NFKB1: variants seen among roughly 807,000 people sequenced by gnomAD.
The protein encoded by NFKB1 is nuclear factor NF-kappa-B p105 subunit.
In NFKB1, 9 loss-of-function variants were observed where a neutral mutation model predicts 105.1. The observed-to-expected ratio is 0.09, with a 90% confidence interval of 0.05 to 0.15. The LOEUF (loss-of-function observed/expected upper bound fraction) is 0.15. NFKB1 is among the 10% of genes least tolerant of loss of function. The probability of loss-of-function intolerance (pLI) is 1.00; values close to 1 mark genes in which losing one functional copy is unlikely to be tolerated. For missense variants in NFKB1, 830 were observed against 1,203.7 expected (o/e 0.69, Z 4.59); for synonymous variants, 440 against 442.2 (o/e 1.00, Z 0.06).
At chr4:102,602,434 G>A (rs1727245193) in intron 16 of NFKB1, among the ~76,000 whole-genome samples, 1 of 151,794 alleles carries the variant, frequency 6.6e-6, no homozygotes, top group Non-Finnish European at 1.5e-5. Flanking sequence ...CAGCTACTCG[G>A]GAGGCTGAGG....
chr4:102,577,151 T>C, intron 7 of NFKB1, 112 bp downstream of exon 7: 1 of 1,127,984 alleles, frequency 8.9e-7, no homozygotes, highest in Non-Finnish European at 1.2e-6. Context: ...CACACTGCTG[T>C]CACCTTTTCC....
At chr4:102,537,748 T>C in intron 4 of NFKB1, 110 bp from the exon 5 acceptor site, 1 of 566,980 alleles carries the variant, frequency 1.8e-6, no homozygotes. Context: ...TTCATGTTTT[T>C]CTTCTCTCAT....
chr4:102,607,787 G>A (rs780158382), intron 19 of NFKB1, 36 bp downstream of exon 19: 17 of 1,595,012 alleles, frequency 1.1e-5, no homozygotes, highest in East Asian at 2.2e-5. Context: ...AATGAAAAAT[G>A]TTACCAGGAA....
intron 5 of NFKB1, among the ~76,000 whole-genome samples, chr4:102,563,819 C>CTT (rs34134600): frequency 0.065 from 8,051 of 124,546 alleles, 337 homozygotes; most frequent in African/African-American, 0.099. Flanking sequence ...AAGCTTAACT[C>CTT]TTTTTTTTTT....
Position 102,606,593 on chromosome 4 carries a change from ACT to A in NFKB1, c.1853_1854del (p.Ser618CysfsTer11), listed in dbSNP as rs1465687986. 1 of 1,613,880 alleles carries A rather than the reference ACT, an allele frequency of 6.2e-7. No individual in the cohort carries two copies. Among genetic ancestry groups the A allele is most frequent in the Non-Finnish European group, 8.5e-7 (1 of 1,180,010 alleles). On this transcript the variant is annotated frameshift_variant, in exon 17 of 24. Coordinates refer to ENST00000226574, the MANE Select transcript of NFKB1 (RefSeq NM_003998.4). LOFTEE classifies it high-confidence loss of function. ...CTGAGCCTTCTGGACCGCTTGGGTAACTCTGTTTTGCACCTAGCTGCCAAAGA... is the reference window on the plus strand; with the variant it reads ...CTGAGCCTTCTGGACCGCTTGGGTAACTGTTTTGCACCTAGCTGCCAAAGA...
chr4:102,551,378 A>ATGTG lies in NFKB1; in HGVS notation c.258+13438_258+13441dup, dbSNP rs753560793. Among the ~76,000 whole-genome samples, 7 of 94,596 alleles carry ATGTG rather than the reference A, an allele frequency of 7.4e-5. No individual in the cohort carries two copies. The South Asian group carries it at 1.1e-3, about 14-fold the overall frequency. 62.1% of individuals were successfully genotyped at this position (94,596 alleles called of 152,430 possible). On this transcript the variant is annotated intron_variant, in intron 5 of 23. Coordinates refer to ENST00000226574, the MANE Select transcript of NFKB1 (RefSeq NM_003998.4). ...TGTGTGTGTGTGTGTGCGCGCGCGC[A>ATGTG]TGTGTGTGTGTGTGTGTGTTGAGGT...
intron 1 of NFKB1, among the ~76,000 whole-genome samples, chr4:102,512,985 T>A (rs1215407610): frequency 1.3e-5 from 2 of 152,230 alleles, no homozygotes; most frequent in South Asian, 2.1e-4. Context: ...AGAATACTAA[T>A]CTCTAATTCA....
intron 1 of NFKB1, chr4:102,511,017 G>GTC: frequency 6.4e-6 from 7 of 1,100,682 alleles, no homozygotes; most frequent in Non-Finnish European, 8.4e-6. Flanking sequence ...ATGAGGAGGG[G>GTC]TGGAGTAGGG....
At chr4:102,546,267 G>A (rs1722131965) in intron 5 of NFKB1, among the ~76,000 whole-genome samples, 1 of 151,860 alleles carries the variant, frequency 6.6e-6, no homozygotes, top group South Asian at 2.1e-4. Flanking sequence ...TCCACCTTGA[G>A]TAGCAGAACA....
chr4:102,565,077 G>A (rs1723747564), intron 5 of NFKB1, among the ~76,000 whole-genome samples: 1 of 151,858 alleles, frequency 6.6e-6, no homozygotes, highest in Non-Finnish European at 1.5e-5. Context: ...CCACATTTAA[G>A]GGCAAAGACT....
intron 5 of NFKB1, among the ~76,000 whole-genome samples, chr4:102,543,535 T>TAA (rs1721884531): frequency 6.6e-6 from 1 of 152,008 alleles, no homozygotes; most frequent in Non-Finnish European, 1.5e-5. Context: ...TGTTTTATGT[T>TAA]GAGTGGAAGA....
chr4:102,509,869 G>A (rs774504823), intron 1 of NFKB1, among the ~76,000 whole-genome samples: 12 of 151,936 alleles, frequency 7.9e-5, no homozygotes, highest in Admixed American at 3.3e-4. Flanking sequence ...CGTTCATTTC[G>A]CATAATGGTC....
chr4:102,555,574 A>G (rs553197093), intron 5 of NFKB1, among the ~76,000 whole-genome samples: 68 of 152,364 alleles, frequency 4.5e-4, no homozygotes, highest in African/African-American at 1.5e-3. Context: ...TAAATTTCTA[A>G]GAGTCGGCTA....
At chr4:102,587,936 G>A (rs994310310) in intron 11 of NFKB1, among the ~76,000 whole-genome samples, 26 of 152,102 alleles carry the variant, frequency 1.7e-4, no homozygotes, top group African/African-American at 6.0e-4. Flanking sequence ...GGGAAACATT[G>A]CATACATTTC....
At chr4:102,586,314 G>A (rs1725709184) in intron 11 of NFKB1, among the ~76,000 whole-genome samples, 1 of 152,116 alleles carries the variant, frequency 6.6e-6, no homozygotes, top group Non-Finnish European at 1.5e-5. Context: ...CTTGTGATGT[G>A]GTTGACTTGA....
chr4:102,603,786 T>C (rs1727427562), intron 16 of NFKB1, among the ~76,000 whole-genome samples: 1 of 152,230 alleles, frequency 6.6e-6, no homozygotes, highest in Non-Finnish European at 1.5e-5. Context: ...CTAATCTAAG[T>C]ACATTTCTGT....
At chr4:102,599,505 G>A (rs377294089) in intron 15 of NFKB1, among the ~76,000 whole-genome samples, 1 of 152,156 alleles carries the variant, frequency 6.6e-6, no homozygotes, top group African/African-American at 2.4e-5. Context: ...GTGCTGCTGC[G>A]AGATGCTTTA....
chr4:102,565,702 C>T (rs1578769560), intron 5 of NFKB1, among the ~76,000 whole-genome samples: 1 of 152,060 alleles, frequency 6.6e-6, no homozygotes, highest in African/African-American at 2.4e-5. Flanking sequence ...TCCGTCCCAT[C>T]GTTCCTTCCT....
chr4:102,616,779 GGTTCACTTACAGATAGTAT>G lies in NFKB1; in HGVS notation c.*186_*204del. ...TTGGTTCATAAATGAATTTTAGTTT[GGTTCACTTACAGATAGTAT>G]CTAGCAATCACAACACTGGCTGAGC... On this transcript the variant is annotated 3_prime_UTR_variant, in exon 24 of 24. Coordinates refer to ENST00000226574, the MANE Select transcript of NFKB1 (RefSeq NM_003998.4). 2 of 605,544 alleles carry G rather than the reference GGTTCACTTACAGATAGTAT, an allele frequency of 3.3e-6. No individual in the cohort carries two copies. The highest frequency in any genetic ancestry group is 4.3e-5 in the South Asian group (2 of 46,476). 37.5% of individuals were successfully genotyped at this position (605,544 alleles called of 1,614,324 possible).
Sources: gnomAD v4.1 joint callset for allele counts (sites outside exome capture counted in the v4.1 genomes callset) on GRCh38, gnomAD v4.1.1 for gene constraint, MANE v1.5 for transcripts, NCBI Gene and HGNC (gene_info 2026-07-23, HGNC 2026-07-21) for gene names.